The following LPP variants were observed in gnomAD, a reference collection of about 807,000 sequenced individuals.
LPP encodes the protein lipoma-preferred partner.
Under a neutral mutation model 60.4 loss-of-function variants are expected in LPP, and 38 were observed. That is an observed-to-expected ratio of 0.63 (90% CI 0.49 to 0.83). The LOEUF is 0.83. Among genes scored for constraint, LPP ranks in the 40% least tolerant of loss-of-function variants. The probability of loss-of-function intolerance (pLI) is 0.00; values close to 1 mark genes in which losing one functional copy is unlikely to be tolerated. For missense variants in LPP, 902 were observed against 783.6 expected (o/e 1.15, Z -1.80); for synonymous variants, 328 against 290.8 (o/e 1.13, Z -1.30).
In LPP at chr3:188,312,432, C is replaced by T. The variant is rs549086037; in HGVS notation, c.-66-29231C>T. On this transcript the variant is annotated intron_variant, in intron 2 of 11. Coordinates refer to ENST00000617246, the MANE Select transcript of LPP (RefSeq NM_001375462.1). The stretch of plus-strand genomic sequence containing the variant: ...TGTAATGCTTTACCATTTTGCATTT[C>T]TTTTTTAACTTGCAGATTAAAATAA... 4.2e-4 allele frequency among the ~76,000 whole-genome samples: 64 copies of T among 152,082 alleles called. 1 individual carries two copies. Among genetic ancestry groups the T allele is most frequent in the Non-Finnish European group, 7.5e-4 (51 of 67,982 alleles).
At chr3:188,211,711 T>C (rs1734741807) in intron 1 of LPP, among the ~76,000 whole-genome samples, 1 of 152,206 alleles carries the variant, frequency 6.6e-6, no homozygotes, top group African/African-American at 2.4e-5. Flanking sequence ...GGTTTTATTC[T>C]GAGTCTTCCA....
intron 8 of LPP, among the ~76,000 whole-genome samples, chr3:188,754,785 A>G (rs150119674): frequency 4.6e-5 from 7 of 152,192 alleles, no homozygotes; most frequent in Non-Finnish European, 1.0e-4. Context: ...TACAGAGTCC[A>G]TGAAATAAAA....
intron 9 of LPP, among the ~76,000 whole-genome samples, chr3:188,780,224 A>G (rs1739206526): frequency 6.6e-6 from 1 of 152,216 alleles, no homozygotes; most frequent in South Asian, 2.1e-4. Flanking sequence ...TAATCAGTTA[A>G]TCAGATTAAA....
chr3:188,290,806 C>CTGAG (rs1745683062), intron 2 of LPP, among the ~76,000 whole-genome samples: 2 of 152,190 alleles, frequency 1.3e-5, no homozygotes, highest in Non-Finnish European at 2.9e-5. Flanking sequence ...CATGTGGCTA[C>CTGAG]TGAGGGTCAA....
chr3:188,719,017 A>T (rs1715243603), intron 8 of LPP, among the ~76,000 whole-genome samples: 2 of 152,164 alleles, frequency 1.3e-5, no homozygotes, highest in African/African-American at 4.8e-5. Flanking sequence ...ACAGGAAAAC[A>T]TATAAACTAG....
intron 3 of LPP, among the ~76,000 whole-genome samples, chr3:188,364,373 CTTCG>C (rs1436947914): frequency 6.6e-6 from 1 of 152,080 alleles, no homozygotes; most frequent in Admixed American, 6.5e-5. Context: ...ATATACTTGC[CTTCG>C]TTCGTTTTTT....
At chr3:188,331,549 C>T (rs532878342) in intron 2 of LPP, among the ~76,000 whole-genome samples, 53 of 152,288 alleles carry the variant, frequency 3.5e-4, no homozygotes, top group African/African-American at 1.3e-3. Context: ...ATGACATGTC[C>T]CCAGATACTC....
At position 188,719,008 on chromosome 3, in the gene LPP, C is replaced by A. The variant is rs369281127; in HGVS notation, c.1240+10615C>A. Among the ~76,000 whole-genome samples, 14 of 152,098 alleles carry A rather than the reference C, an allele frequency of 9.2e-5. 1 individual carries two copies. The highest frequency in any genetic ancestry group is 3.9e-4 in the East Asian group (2 of 5,170). ...CCTTTTTTTAATTCACTTAAGGGCA[C>A]AGGAAAACATATAAACTAGAGTAAG... On this transcript the variant is annotated intron_variant, in intron 8 of 11. Transcript: ENST00000617246.
Position 188,156,198 on chromosome 3 carries a change from C to G in LPP, c.-190+1946C>G, listed in dbSNP as rs150943648. Among the ~76,000 whole-genome samples the G allele has an allele frequency of 9.7e-4, 147 of 152,124 alleles. 1 individual carries two copies. Among genetic ancestry groups the G allele is most frequent in the African/African-American group, 3.3e-3 (137 of 41,510 alleles). The stretch of plus-strand genomic sequence containing the variant: ...GGGGCCTTAGGGTCTGGCAGTCCCC[C>G]CAGAGGCAGGCTCTCTGTAAGCAGC... On this transcript the variant is annotated intron_variant, in intron 1 of 11. Transcript: ENST00000617246.
intron 4 of LPP, among the ~76,000 whole-genome samples, chr3:188,435,296 A>C (rs1233666481): frequency 6.6e-6 from 1 of 152,166 alleles, no homozygotes; most frequent in Non-Finnish European, 1.5e-5. Context: ...TTTTGACCTC[A>C]TTGAACTCAC....
intron 6 of LPP, among the ~76,000 whole-genome samples, chr3:188,606,198 T>C (rs1842343817): frequency 6.6e-6 from 1 of 152,188 alleles, no homozygotes; most frequent in African/African-American, 2.4e-5. Flanking sequence ...CTGCCTCTGC[T>C]AGTTCCATAT....
chr3:188,233,729 C>T (rs1200453206), intron 2 of LPP, among the ~76,000 whole-genome samples: 1 of 152,162 alleles, frequency 6.6e-6, no homozygotes, highest in African/African-American at 2.4e-5. Flanking sequence ...TTTCCTTCTA[C>T]TCCTGTTTAA....
rs181279940 is a variant in LPP at position 188,522,419 on chromosome 3, T to C, written c.307-2246T>C. Among the ~76,000 whole-genome samples, 4 of 152,328 alleles carry C rather than the reference T, an allele frequency of 2.6e-5. No individual in the cohort carries two copies. In the South Asian group the frequency reaches 8.3e-4, roughly 32 times the overall value. On this transcript the variant is annotated intron_variant, in intron 5 of 11. Coordinates refer to ENST00000617246, the MANE Select transcript of LPP (RefSeq NM_001375462.1). ...CAAATTCTAGAGTATCCACTGCTTA[T>C]TGTTGTACTTCTAACTGTGTTTACC...
At chr3:188,368,667 AAC>A (rs1771939797) in intron 3 of LPP, among the ~76,000 whole-genome samples, 1 of 113,884 alleles carries the variant, frequency 8.8e-6, no homozygotes, top group Non-Finnish European at 1.9e-5. Context: ...TTATACTACA[AAC>A]ACACACACAC....
At chr3:188,321,004 C>T (rs1472966084) in intron 2 of LPP, among the ~76,000 whole-genome samples, 1 of 152,190 alleles carries the variant, frequency 6.6e-6, no homozygotes, top group Non-Finnish European at 1.5e-5. Context: ...TTTTCCTCAT[C>T]CTCACATATA....
intron 1 of LPP, among the ~76,000 whole-genome samples, chr3:188,165,932 G>A (rs1042754739): frequency 5.9e-5 from 9 of 152,098 alleles, no homozygotes; most frequent in African/African-American, 2.2e-4. Context: ...CGGAACATAC[G>A]GCTTTTGAGA....
At chr3:188,711,349 A>G (rs1440266372) in intron 8 of LPP, 1 of 152,218 alleles carries the variant, frequency 6.6e-6, no homozygotes. Context: ...TACTATTATC[A>G]TTTTCAGATT....
intron 2 of LPP, among the ~76,000 whole-genome samples, chr3:188,242,088 C>T (rs141864430): frequency 2.4e-3 from 365 of 152,162 alleles, no homozygotes; most frequent in African/African-American, 8.6e-3. Flanking sequence ...TGTCCTTTGG[C>T]GTTAAGACAG....
At chr3:188,649,233 G>A (rs964752098) in intron 7 of LPP, among the ~76,000 whole-genome samples, 3 of 152,156 alleles carry the variant, frequency 2.0e-5, no homozygotes, top group African/African-American at 7.2e-5. Flanking sequence ...TAAGTTTCCA[G>A]TATGTCATGC....
Sources: allele counts gnomAD v4.1 joint callset (sites outside exome capture counted in the v4.1 genomes callset), GRCh38; gene constraint gnomAD v4.1.1; transcripts MANE v1.5; gene names NCBI Gene and HGNC (gene_info 2026-07-23, HGNC 2026-07-21).